Variants in SPAG16 observed in about 807,000 individuals in gnomAD.
The protein encoded by SPAG16 is sperm associated antigen 16.
A neutral mutation model predicts 80.4 loss-of-function variants in SPAG16; 86 were observed. That is an observed-to-expected ratio of 1.07 (90% CI 0.90 to 1.28). The LOEUF is 1.28. Among genes scored for constraint, SPAG16 ranks in the 50% most tolerant of loss-of-function variants. The probability of loss-of-function intolerance (pLI) is 0.00; values close to 1 mark genes in which losing one functional copy is unlikely to be tolerated. For missense variants in SPAG16, 870 were observed against 765.3 expected (o/e 1.14, Z -1.61); for synonymous variants, 294 against 265.9 (o/e 1.11, Z -1.03).
intron 10 of SPAG16, among the ~76,000 whole-genome samples, chr2:213,669,799 T>C (rs1408476006): frequency 6.6e-6 from 1 of 152,176 alleles, no homozygotes; most frequent in East Asian, 1.9e-4. Flanking sequence ...GCTTCCATTT[T>C]CTCACCTGCT....
chr2:213,437,951 T>G (rs1242451979), intron 9 of SPAG16, among the ~76,000 whole-genome samples: 1 of 152,178 alleles, frequency 6.6e-6, no homozygotes, highest in Non-Finnish European at 1.5e-5. Flanking sequence ...TCAGAGTAGC[T>G]TAGTTTTAGC....
At chr2:213,554,732 C>A (rs918058048) in intron 10 of SPAG16, among the ~76,000 whole-genome samples, 19 of 149,926 alleles carry the variant, frequency 1.3e-4, no homozygotes, top group African/African-American at 4.7e-4. Context: ...AGTGTCAAAG[C>A]AGAATTAGTC....
At chr2:213,336,612 CTG>C (rs1298296637) in intron 5 of SPAG16, among the ~76,000 whole-genome samples, 1 of 152,184 alleles carries the variant, frequency 6.6e-6, no homozygotes, top group Admixed American at 6.5e-5. Flanking sequence ...AGCACAGCAG[CTG>C]TGTCAGTTCA....
intron 12 of SPAG16, among the ~76,000 whole-genome samples, chr2:213,984,437 T>G (rs531984611): frequency 6.6e-6 from 1 of 152,214 alleles, no homozygotes; most frequent in South Asian, 2.1e-4. Context: ...GAAGAATGGA[T>G]AGCAAAGCTC....
At chr2:213,916,575 A>T (rs764786742) in intron 11 of SPAG16, among the ~76,000 whole-genome samples, 3 of 151,974 alleles carry the variant, frequency 2.0e-5, no homozygotes, top group Admixed American at 1.3e-4. Flanking sequence ...AATTCCCTTT[A>T]TAAAACCTTC....
chr2:214,055,929 T>G (rs199951862), intron 13 of SPAG16, among the ~76,000 whole-genome samples: 1 of 127,372 alleles, frequency 7.9e-6, no homozygotes, highest in African/African-American at 3.1e-5. Flanking sequence ...AATTGGAAAA[T>G]TTTTACCATG....
chr2:214,137,390 T>A (rs1344277395), intron 14 of SPAG16, among the ~76,000 whole-genome samples: 1 of 152,098 alleles, frequency 6.6e-6, no homozygotes, highest in Non-Finnish European at 1.5e-5. Flanking sequence ...AAAATATAGT[T>A]TAGCTATATA....
intron 7 of SPAG16, among the ~76,000 whole-genome samples, chr2:213,358,641 A>G (rs1177711818): frequency 6.6e-6 from 1 of 152,090 alleles, no homozygotes; most frequent in South Asian, 2.1e-4. Context: ...ACTGTTTATT[A>G]TAGTTAGCCA....
chr2:214,341,949 C>A (rs1697730978), intron 15 of SPAG16, among the ~76,000 whole-genome samples: 1 of 151,934 alleles, frequency 6.6e-6, no homozygotes, highest in Admixed American at 6.6e-5. Context: ...GCAAAAAGCA[C>A]CGTTAACAGA....
chr2:213,875,135 C>G (rs775196002), intron 11 of SPAG16, among the ~76,000 whole-genome samples: 71 of 151,206 alleles, frequency 4.7e-4, no homozygotes, highest in Non-Finnish European at 4.9e-4. Context: ...GACAGGGTCT[C>G]ACTTTATTGC....
chr2:213,910,290 A>G (rs1219510735), intron 11 of SPAG16, among the ~76,000 whole-genome samples: 1 of 152,226 alleles, frequency 6.6e-6, no homozygotes, highest in African/African-American at 2.4e-5. Context: ...ACTATTCTAC[A>G]TAAGAACTTA....
rs191680025 is a variant in SPAG16 at position 214,390,252 on chromosome 2, C to T, written c.1721-19888C>T. Among the ~76,000 whole-genome samples the T allele has an allele frequency of 1.1e-4, 16 of 151,104 alleles. No individual in the cohort carries two copies. In the East Asian group the frequency reaches 2.5e-3, roughly 24 times the overall value. On this transcript the variant is annotated intron_variant, in intron 15 of 15. Transcript: ENST00000331683. Reference sequence around the variant, plus strand: ...CTCCTCCAGAAATGTTTTACTCTAACTCTGTATGCATGGTCAGTGGTAGAG... The same window carrying T: ...CTCCTCCAGAAATGTTTTACTCTAATTCTGTATGCATGGTCAGTGGTAGAG...
chr2:213,366,268 G>A (rs2066285802), intron 8 of SPAG16, among the ~76,000 whole-genome samples: 1 of 151,948 alleles, frequency 6.6e-6, no homozygotes, highest in Non-Finnish European at 1.5e-5. Flanking sequence ...ACAAATGATG[G>A]CCCCAAATTT....
chr2:213,445,711 T>G (rs1169451536), intron 9 of SPAG16, among the ~76,000 whole-genome samples: 5 of 152,098 alleles, frequency 3.3e-5, no homozygotes. Context: ...TCAACATCAC[T>G]AATCATCAGA....
chr2:213,387,706 G>A (rs949828724), intron 9 of SPAG16, among the ~76,000 whole-genome samples: 22 of 151,120 alleles, frequency 1.5e-4, no homozygotes, highest in South Asian at 6.3e-4. Flanking sequence ...CGCCCGCCTC[G>A]GCCTCCCAAA....
At chr2:213,795,644 G>GT (rs1205621027) in intron 10 of SPAG16, among the ~76,000 whole-genome samples, 2 of 152,146 alleles carry the variant, frequency 1.3e-5, no homozygotes, top group Admixed American at 6.6e-5. Context: ...GTGGGGCCTG[G>GT]TGGGAGGTGA....
chr2:214,399,716 A>G (rs1197712613), intron 15 of SPAG16, among the ~76,000 whole-genome samples: 3 of 152,138 alleles, frequency 2.0e-5, no homozygotes, highest in Non-Finnish European at 4.4e-5. Flanking sequence ...AATTTTTGAT[A>G]TTAAATATAA....
intron 13 of SPAG16, among the ~76,000 whole-genome samples, chr2:214,037,958 G>A (rs1448476073): frequency 6.8e-6 from 1 of 147,306 alleles, no homozygotes; most frequent in East Asian, 2.1e-4. Flanking sequence ...TTTTGCATAT[G>A]TTTTGGATGC....
At chr2:213,473,363 C>T (rs2073189304) in intron 9 of SPAG16, among the ~76,000 whole-genome samples, 1 of 152,114 alleles carries the variant, frequency 6.6e-6, no homozygotes, top group Non-Finnish European at 1.5e-5. Flanking sequence ...AACTGCGGTT[C>T]CTACTATTAG....
Sources: gnomAD v4.1 joint callset for allele counts (sites outside exome capture counted in the v4.1 genomes callset) on GRCh38, gnomAD v4.1.1 for gene constraint, MANE v1.5 for transcripts, NCBI Gene and HGNC (gene_info 2026-07-23, HGNC 2026-07-21) for gene names.